COL24A1: variants seen among roughly 807,000 people sequenced by gnomAD.
The protein encoded by COL24A1 is collagen alpha-1(XXIV) chain.
A neutral mutation model predicts 253.9 loss-of-function variants in COL24A1; 224 were observed. The observed-to-expected ratio is 0.88, with a 90% confidence interval of 0.79 to 0.99. The LOEUF is 0.99. COL24A1 is among the 50% of genes least tolerant of loss of function. The pLI, the probability that COL24A1 is intolerant of heterozygous loss-of-function variation, is 0.00. For synonymous variants in COL24A1, 685 were observed against 673.7 expected, an observed-to-expected ratio of 1.02 and a Z score of -0.26; for missense variants, 2,131 against 2,068.5, an observed-to-expected ratio of 1.03 and a Z score of -0.59.
chr1:86,147,004 C>A (rs886839019), intron 1 of COL24A1, among the ~76,000 whole-genome samples: 1 of 152,102 alleles, frequency 6.6e-6, no homozygotes, highest in South Asian at 2.1e-4. Context: ...GAAAACAATA[C>A]TTCATTACCT....
intron 53 of COL24A1, among the ~76,000 whole-genome samples, chr1:85,766,387 AAAAG>A (rs1156668554): frequency 0.22 from 13,122 of 58,846 alleles, 1,477 homozygotes; most frequent in Middle Eastern, 0.31. Context: ...AAAAAAAAAA[AAAAG>A]AAAGAAAGAA....
chr1:86,131,663 C>G (rs1649227175), intron 2 of COL24A1, among the ~76,000 whole-genome samples: 1 of 152,028 alleles, frequency 6.6e-6, no homozygotes, highest in Non-Finnish European at 1.5e-5. Flanking sequence ...TTTCCAGCTT[C>G]ATCCATGTCC....
chr1:86,023,981 G>T (rs1171299412), intron 14 of COL24A1, among the ~76,000 whole-genome samples: 1 of 151,970 alleles, frequency 6.6e-6, no homozygotes, highest in Admixed American at 6.6e-5. Context: ...AGTTGCATTT[G>T]TGAAATGCTA....
intron 20 of COL24A1, among the ~76,000 whole-genome samples, chr1:85,983,431 T>G (rs1006279214): frequency 6.6e-6 from 1 of 151,938 alleles, no homozygotes; most frequent in African/African-American, 2.4e-5. Context: ...AACACAAGTT[T>G]CCATTCCTAC....
intron 58 of COL24A1, chr1:85,736,621 G>A (rs551694498): frequency 1.3e-5 from 5 of 394,490 alleles, no homozygotes; most frequent in Non-Finnish European, 2.0e-5. Context: ...GGAGGAGAGG[G>A]CGGTTCAATA....
chr1:85,865,666 C>T (rs1202235673), intron 37 of COL24A1, among the ~76,000 whole-genome samples: 2 of 152,130 alleles, frequency 1.3e-5, no homozygotes, highest in Non-Finnish European at 2.9e-5. Flanking sequence ...TTTTTTCCCT[C>T]TCTACAAACT....
At chr1:85,848,276 T>C (rs1378369555) in intron 38 of COL24A1, among the ~76,000 whole-genome samples, 2 of 152,152 alleles carry the variant, frequency 1.3e-5, no homozygotes, top group African/African-American at 4.8e-5. Context: ...ACTAATTATC[T>C]TCTGTTTTCT....
chr1:85,955,816 G>A (rs907041652), intron 24 of COL24A1, among the ~76,000 whole-genome samples: 2 of 152,176 alleles, frequency 1.3e-5, no homozygotes, highest in Non-Finnish European at 2.9e-5. Context: ...GCACTTCTAC[G>A]ATATTTTTTT....
chr1:85,776,101 T>C (rs988994835), intron 52 of COL24A1, among the ~76,000 whole-genome samples: 2 of 152,122 alleles, frequency 1.3e-5, no homozygotes, highest in African/African-American at 4.8e-5. Flanking sequence ...TCTGGGATGG[T>C]TTCCCTTCTC....
chr1:85,976,269 A>G (rs151193511), intron 20 of COL24A1, among the ~76,000 whole-genome samples: 15 of 152,280 alleles, frequency 9.9e-5, no homozygotes, highest in African/African-American at 3.6e-4. Flanking sequence ...AATGCTGAGC[A>G]CAGGCTACCT....
chr1:85,780,535 C>T (rs1156301489), intron 52 of COL24A1, among the ~76,000 whole-genome samples: 1 of 152,074 alleles, frequency 6.6e-6, no homozygotes, highest in Non-Finnish European at 1.5e-5. Flanking sequence ...CCAGACACAG[C>T]TTGAATGGAG....
intron 1 of COL24A1, chr1:86,154,706 T>C (rs751979975): frequency 7.2e-5 from 11 of 152,656 alleles, no homozygotes; most frequent in Non-Finnish European, 1.5e-4. Context: ...ACTCCGGTGG[T>C]TGGTCACAAC....
chr1:85,986,376 G>A (rs1477033194), intron 20 of COL24A1, among the ~76,000 whole-genome samples: 3 of 151,726 alleles, frequency 2.0e-5, no homozygotes, highest in African/African-American at 7.2e-5. Flanking sequence ...CCTCCAAACT[G>A]ACATAAGAGG....
chr1:85,854,973 G>A (rs567603504), intron 37 of COL24A1, among the ~76,000 whole-genome samples: 143 of 151,968 alleles, frequency 9.4e-4, no homozygotes, highest in African/African-American at 3.3e-3. Flanking sequence ...AATATTCCTA[G>A]GTATTTTATT....
At chr1:86,027,971 A>G (rs1368071357) in intron 14 of COL24A1, among the ~76,000 whole-genome samples, 1 of 152,162 alleles carries the variant, frequency 6.6e-6, no homozygotes, top group Non-Finnish European at 1.5e-5. Context: ...AATTGAGATC[A>G]TTTTGGAATT....
Position 86,022,534 on chromosome 1 carries a change from T to C in COL24A1, c.2202+4A>G. On this transcript the variant is annotated splice_donor_region_variant and intron_variant, in intron 17 of 59. Coordinates refer to ENST00000370571, the MANE Select transcript of COL24A1 (RefSeq NM_152890.7). Reference sequence around the variant, plus strand: ...TTACATAAAATTAATGGTATAAACATTACCTTGTCTCCAGGATACCCGGGT... The same window carrying C: ...TTACATAAAATTAATGGTATAAACACTACCTTGTCTCCAGGATACCCGGGT... 6.2e-7 allele frequency: 1 copy of C among 1,609,656 alleles called. No homozygotes were observed.
chr1:85,953,095 T>G (rs1377648040), intron 24 of COL24A1, among the ~76,000 whole-genome samples: 1 of 152,152 alleles, frequency 6.6e-6, no homozygotes, highest in East Asian at 1.9e-4. Flanking sequence ...TGATATATCC[T>G]GACCATAAAA....
At chr1:86,012,560 G>A (rs1228878106) in intron 19 of COL24A1, among the ~76,000 whole-genome samples, 5 of 152,188 alleles carry the variant, frequency 3.3e-5, no homozygotes, top group African/African-American at 1.2e-4. Context: ...CTGCACTCCA[G>A]CCTGGGCAAC....
chr1:86,061,979 C>T (rs952112618), intron 8 of COL24A1, among the ~76,000 whole-genome samples: 1 of 151,982 alleles, frequency 6.6e-6, no homozygotes, highest in Non-Finnish European at 1.5e-5. Context: ...ACTATAGTTT[C>T]TCTGTTTTTT....
Sources: gnomAD v4.1 joint callset for allele counts (sites outside exome capture counted in the v4.1 genomes callset) on GRCh38, gnomAD v4.1.1 for gene constraint, MANE v1.5 for transcripts, NCBI Gene and HGNC (gene_info 2026-07-23, HGNC 2026-07-21) for gene names.